Variants in CRYBG1 observed in about 807,000 individuals in gnomAD.
The protein encoded by CRYBG1 is beta/gamma crystallin domain-containing protein 1.
A neutral mutation model predicts 189.2 loss-of-function variants in CRYBG1; 139 were observed. The ratio of observed to expected loss-of-function variants is 0.73; its 90% CI spans 0.64 to 0.85. The LOEUF is 0.85. Ranked by LOEUF, CRYBG1 falls within the 40% of genes least tolerant of loss-of-function variation. The pLI is 0.00. For synonymous variants in CRYBG1, 1,023 were observed against 1,017.1 expected (o/e 1.01, Z -0.11); for missense variants, 2,611 against 2,675.8 (o/e 0.98, Z 0.53).
intron 1 of CRYBG1, among the ~76,000 whole-genome samples, chr6:106,437,978 G>A (rs1771493725): frequency 6.6e-6 from 1 of 152,170 alleles, no homozygotes; most frequent in African/African-American, 2.4e-5. Flanking sequence ...TTTATTTCAA[G>A]GTTTCTTAGT....
At chr6:106,365,243 A>C (rs1771963469) in intron 1 of CRYBG1, among the ~76,000 whole-genome samples, 1 of 152,154 alleles carries the variant, frequency 6.6e-6, no homozygotes, top group South Asian at 2.1e-4. Flanking sequence ...AGCCTGGCCA[A>C]CATGGTGAAA....
Position 106,511,907 on chromosome 6 carries a change from A to G in CRYBG1, c.790A>G (p.Arg264Gly). ...QLHSSPGNSS[R>G]QENAETPARS... is the part of the protein sequence containing the mutation. ...GCATTCCTCGCCGGGAAATTCCTCC[A>G]GGCAAGAGAACGCAGAGACGCCCGC... Residue 264 changes from arginine (R) to glycine (G), a missense_variant, in exon 3 of 22, where the codon AGG becomes GGG. This residue lies in a region of CRYBG1 where 985 missense variants were observed against 924.4 expected (regional missense o/e 1.07). Coordinates refer to ENST00000633556, the MANE Select transcript of CRYBG1 (RefSeq NM_001371242.2). 2.0e-6 allele frequency: 3 copies of G among 1,524,406 alleles called. No individual in the cohort carries two copies. Among genetic ancestry groups the G allele is most frequent in the South Asian group, 1.2e-5 (1 of 82,996 alleles). 94.4% of individuals were successfully genotyped at this position (1,524,406 alleles called of 1,614,324 possible).
At chr6:106,561,310 G>T (rs772299518) in intron 19 of CRYBG1, 32 bp from the exon 20 acceptor site, 7 of 1,607,712 alleles carry the variant, frequency 4.4e-6, no homozygotes, top group Middle Eastern at 1.7e-4. Flanking sequence ...AGCACATCTG[G>T]TATAACAACT....
At chr6:106,485,386 C>A (rs1198018190) in intron 2 of CRYBG1, among the ~76,000 whole-genome samples, 1 of 152,134 alleles carries the variant, frequency 6.6e-6, no homozygotes, top group Non-Finnish European at 1.5e-5. Flanking sequence ...ATAATTAGTT[C>A]TAACAGGTTT....
chr6:106,436,758 T>A (rs1771468773), intron 1 of CRYBG1, among the ~76,000 whole-genome samples: 1 of 152,182 alleles, frequency 6.6e-6, no homozygotes, highest in Non-Finnish European at 1.5e-5. Context: ...ACCATAAGCA[T>A]ATTATAAATA....
chr6:106,476,368 C>T (rs1772334695), intron 2 of CRYBG1, among the ~76,000 whole-genome samples: 1 of 152,180 alleles, frequency 6.6e-6, no homozygotes, highest in African/African-American at 2.4e-5. Context: ...CATTCACAGC[C>T]TCACTTAAGG....
Position 106,512,119 on chromosome 6 carries a change from GC to G in CRYBG1, c.1008del (p.Lys337ArgfsTer40), listed in dbSNP as rs1471234366. 6 of 1,534,276 alleles carry G rather than the reference GC, an allele frequency of 3.9e-6. No homozygotes were observed. Among genetic ancestry groups the G allele is most frequent in the Admixed American group, 2.0e-5 (1 of 50,914 alleles). On this transcript the variant is annotated frameshift_variant, in exon 3 of 22. Transcript: ENST00000633556. LOFTEE classifies it high-confidence loss of function. ...TGGGGCCCCGCAACGCCCGCAGCCA[GC>G]CCCCCAAGGGCGCGTCTGATTTGCC... ...SLGPRNARSQ[P>X]PKGASDLPGE...
At chr6:106,530,566 C>T (rs1326811913) in intron 8 of CRYBG1, among the ~76,000 whole-genome samples, 3 of 151,802 alleles carry the variant, frequency 2.0e-5, no homozygotes, top group East Asian at 3.9e-4. Context: ...GTAAGGCTTT[C>T]CTTGTCACAG....
At chr6:106,553,226 G>A (rs1774449869) in intron 15 of CRYBG1, among the ~76,000 whole-genome samples, 1 of 152,174 alleles carries the variant, frequency 6.6e-6, no homozygotes, top group African/African-American at 2.4e-5. Context: ...CTTTGTTGTT[G>A]CATTTTACTT....
intron 2 of CRYBG1, among the ~76,000 whole-genome samples, chr6:106,503,504 TA>T (rs1373541061): frequency 6.6e-6 from 1 of 152,204 alleles, no homozygotes; most frequent in African/African-American, 2.4e-5. Flanking sequence ...TTATAATTTC[TA>T]ACAAGAAAAA....
In CRYBG1 at chr6:106,406,070, C is replaced by A. The variant is rs1192873912; in HGVS notation, c.173+44989C>A. On this transcript the variant is annotated intron_variant, in intron 1 of 21. Transcript: ENST00000633556. ...GTAGGCTTCAGAAGGCAGGTAATAA[C>A]AAACTCCTCTGAGCTAAAGGAGCAT... 2.0e-5 allele frequency among the ~76,000 whole-genome samples: 3 copies of A among 152,098 alleles called. 1 individual carries two copies. The South Asian group carries it at 6.2e-4, about 32-fold the overall frequency.
intron 2 of CRYBG1, among the ~76,000 whole-genome samples, chr6:106,506,812 T>C (rs921299780): frequency 4.6e-5 from 7 of 152,116 alleles, no homozygotes; most frequent in Non-Finnish European, 8.8e-5. Context: ...TGACCCATAA[T>C]TGTATTAAAA....
intron 13 of CRYBG1, among the ~76,000 whole-genome samples, chr6:106,549,681 G>A (rs76527784): frequency 0.033 from 4,985 of 152,254 alleles, 270 homozygotes; most frequent in East Asian, 0.19. Context: ...TGTATTTCCT[G>A]AAAGACTGAG....
rs185910422 is a variant in CRYBG1 at position 106,569,259 on chromosome 6, T to G, written c.*693T>G. ...TGAGTTATTATTTTTTGAGACAGGATCTCAGGCTGGAGTGCAGTGGCACAA... is the reference window on the plus strand; with the variant it reads ...TGAGTTATTATTTTTTGAGACAGGAGCTCAGGCTGGAGTGCAGTGGCACAA... On this transcript the variant is annotated 3_prime_UTR_variant, in exon 22 of 22. Coordinates refer to ENST00000633556, the MANE Select transcript of CRYBG1 (RefSeq NM_001371242.2). The G allele has an allele frequency of 6.6e-6, 1 of 152,268 alleles. No homozygotes were observed. Among genetic ancestry groups the G allele is most frequent in the Non-Finnish European group, 1.5e-5 (1 of 68,026 alleles). 9.4% of individuals were successfully genotyped at this position (152,268 alleles called of 1,614,324 possible).
intron 8 of CRYBG1, among the ~76,000 whole-genome samples, chr6:106,534,836 T>TG (rs1333889462): frequency 2.0e-5 from 3 of 151,322 alleles, no homozygotes; most frequent in Admixed American, 1.3e-4. Context: ...GGGGTGGAAG[T>TG]GGGGGGTGGT....
chr6:106,504,401 G>A (rs1401985024), intron 2 of CRYBG1, among the ~76,000 whole-genome samples: 1 of 152,140 alleles, frequency 6.6e-6, no homozygotes, highest in Non-Finnish European at 1.5e-5. Flanking sequence ...AGTGTAAGCC[G>A]TAGTCTTCAC....
Position 106,551,997 on chromosome 6 carries a change from G to T in CRYBG1, c.5439+19G>T. 1 of 1,581,870 alleles carries T rather than the reference G, an allele frequency of 6.3e-7. No homozygotes were observed. Among genetic ancestry groups the T allele is most frequent in the Non-Finnish European group, 8.6e-7 (1 of 1,162,678 alleles). Reference sequence around the variant, plus strand: ...ATGTTTGGTAAGGAGTTATATTTTTGTATGAGAATATTTAACTGAATTCTG... The same window carrying T: ...ATGTTTGGTAAGGAGTTATATTTTTTTATGAGAATATTTAACTGAATTCTG... On this transcript the variant is annotated intron_variant, in intron 14 of 21. Transcript: ENST00000633556.
At chr6:106,462,925 G>A (rs557897318) in intron 2 of CRYBG1, among the ~76,000 whole-genome samples, 47 of 152,312 alleles carry the variant, frequency 3.1e-4, no homozygotes, top group African/African-American at 1.1e-3. Flanking sequence ...AAACCAAAGC[G>A]GGAGGATTGC....
rs1348941624 is a variant in CRYBG1 at position 106,548,913 on chromosome 6, T to G, written c.5313-2939T>G. ...CCCCCCTCCCCCCACCCCACAACAG[T>G]CCCCGGTGTGTGATGTTCCCCTTCC... On this transcript the variant is annotated intron_variant, in intron 13 of 21. Transcript: ENST00000633556. Among the ~76,000 whole-genome samples the G allele has an allele frequency of 1.8e-4, 18 of 101,484 alleles. No homozygotes were observed. In the Admixed American group the frequency reaches 2.2e-3, roughly 12 times the overall value. 66.6% of individuals were successfully genotyped at this position (101,484 alleles called of 152,430 possible).
Sources: allele counts gnomAD v4.1 joint callset (sites outside exome capture counted in the v4.1 genomes callset), GRCh38; gene constraint gnomAD v4.1.1; regional missense constraint gnomAD v4.1.1; transcripts MANE v1.5; gene names NCBI Gene and HGNC (gene_info 2026-07-23, HGNC 2026-07-21).